Variants in DNAJC1 observed in about 807,000 individuals in gnomAD.
The protein encoded by DNAJC1 is DnaJ heat shock protein family (Hsp40) member C1.
A neutral mutation model predicts 76.6 loss-of-function variants in DNAJC1; 58 were observed. That is an observed-to-expected ratio of 0.76 (90% CI 0.61 to 0.94). The LOEUF is 0.94. Ranked by LOEUF, DNAJC1 falls within the 40% of genes least tolerant of loss-of-function variation. The pLI is 0.00. For missense variants in DNAJC1, 689 were observed against 677.3 expected, an observed-to-expected ratio of 1.02 and a Z score of -0.19; for synonymous variants, 258 against 267.9, an observed-to-expected ratio of 0.96 and a Z score of 0.36.
intron 1 of DNAJC1, among the ~76,000 whole-genome samples, chr10:21,959,337 A>G (rs971845930): frequency 2.6e-5 from 4 of 151,392 alleles, no homozygotes; most frequent in Admixed American, 2.6e-4. Flanking sequence ...CATGTTGGCC[A>G]GGCTGGTTTT....
chr10:21,918,392 T>TC (rs1491349168), intron 6 of DNAJC1, among the ~76,000 whole-genome samples: 3 of 151,292 alleles, frequency 2.0e-5, no homozygotes, highest in Non-Finnish European at 4.4e-5. Flanking sequence ...TTTTTTTTTT[T>TC]TAACACTATG....
intron 8 of DNAJC1, among the ~76,000 whole-genome samples, chr10:21,838,888 A>G (rs1425221932): frequency 6.6e-6 from 1 of 152,244 alleles, no homozygotes; most frequent in Non-Finnish European, 1.5e-5. Flanking sequence ...AAAAGAAATT[A>G]TAACAAACTG....
intron 5 of DNAJC1, among the ~76,000 whole-genome samples, chr10:21,919,473 G>A (rs1017928708): frequency 6.6e-6 from 1 of 151,912 alleles, no homozygotes; most frequent in Non-Finnish European, 1.5e-5. Context: ...AGAAATGGTG[G>A]TATCTTTTTG....
intron 1 of DNAJC1, among the ~76,000 whole-genome samples, chr10:21,958,704 G>A (rs554723747): frequency 6.6e-6 from 1 of 152,180 alleles, no homozygotes; most frequent in East Asian, 1.9e-4. Flanking sequence ...GGGATTACAG[G>A]AGTGAGCCAC....
At chr10:21,774,645 T>C (rs1255426381) in intron 9 of DNAJC1, among the ~76,000 whole-genome samples, 2 of 152,122 alleles carry the variant, frequency 1.3e-5, no homozygotes, top group African/African-American at 4.8e-5. Context: ...CAGCTAATTT[T>C]TGTTGTATTT....
At chr10:21,934,248 T>C (rs920480397) in intron 1 of DNAJC1, among the ~76,000 whole-genome samples, 2 of 151,468 alleles carry the variant, frequency 1.3e-5, no homozygotes, top group African/African-American at 2.4e-5. Context: ...ATTTTAAATA[T>C]AGAAAAAAGC....
At chr10:21,774,481 T>C (rs1045026116) in intron 9 of DNAJC1, among the ~76,000 whole-genome samples, 4 of 152,182 alleles carry the variant, frequency 2.6e-5, no homozygotes, top group Admixed American at 1.3e-4. Flanking sequence ...AACTAACATA[T>C]TAAACGTATT....
At chr10:21,759,086 G>C in intron 11 of DNAJC1, 84 bp downstream of exon 11, 1 of 1,355,404 alleles carries the variant, frequency 7.4e-7, no homozygotes, top group Non-Finnish European at 1.0e-6. Flanking sequence ...ATAGGAATGA[G>C]GGAAGAAGCT....
intron 1 of DNAJC1, among the ~76,000 whole-genome samples, chr10:21,984,576 A>C (rs1838208678): frequency 6.6e-6 from 1 of 152,220 alleles, no homozygotes; most frequent in African/African-American, 2.4e-5. Context: ...AGAAAAATGT[A>C]CTTTTTAAAC....
At chr10:21,978,372 C>A (rs1838098958) in intron 1 of DNAJC1, among the ~76,000 whole-genome samples, 1 of 152,074 alleles carries the variant, frequency 6.6e-6, no homozygotes, top group South Asian at 2.1e-4. Context: ...AATTTGAAAG[C>A]CTCTCCTTTC....
intron 8 of DNAJC1, among the ~76,000 whole-genome samples, chr10:21,820,361 T>C (rs1835139106): frequency 6.6e-6 from 1 of 152,238 alleles, no homozygotes; most frequent in Non-Finnish European, 1.5e-5. Context: ...TTTTTGATTA[T>C]TAAAAATAAT....
chr10:21,808,558 A>G (rs2131643672), intron 8 of DNAJC1, among the ~76,000 whole-genome samples: 2 of 152,262 alleles, frequency 1.3e-5, no homozygotes, highest in Non-Finnish European at 2.9e-5. Context: ...CCTTTTAGCA[A>G]TGCATTATTC....
intron 4 of DNAJC1, 51 bp from the exon 5 acceptor site, chr10:21,919,980 C>G: frequency 8.8e-7 from 1 of 1,138,222 alleles, no homozygotes; most frequent in Non-Finnish European, 1.3e-6. Flanking sequence ...ATGTACACTT[C>G]AAATGTTATC....
intron 1 of DNAJC1, among the ~76,000 whole-genome samples, chr10:21,932,004 T>C (rs991684354): frequency 6.6e-6 from 1 of 152,048 alleles, no homozygotes; most frequent in Non-Finnish European, 1.5e-5. Flanking sequence ...AAATGTATCA[T>C]CACTTTTGGG....
chr10:21,904,613 C>T lies in DNAJC1; in HGVS notation c.730-1G>A. The T allele has an allele frequency of 6.3e-7, 1 of 1,579,248 alleles. No homozygotes were observed. Among genetic ancestry groups the T allele is most frequent in the South Asian group, 1.2e-5 (1 of 84,936 alleles). ...ATTTAGCATAAAACTGCCCAGCATC[C>T]TTAAGAAAAAAAGTTATACATAAAT... On this transcript the variant is annotated splice_acceptor_variant, in intron 6 of 11. Transcript: ENST00000376980. LOFTEE classifies it high-confidence loss of function.
intron 1 of DNAJC1, among the ~76,000 whole-genome samples, chr10:21,932,837 G>C (rs1837250048): frequency 6.6e-6 from 1 of 152,076 alleles, no homozygotes; most frequent in Non-Finnish European, 1.5e-5. Flanking sequence ...TGCCCAGGCT[G>C]GTCTCAAACT....
At chr10:21,924,226 T>A (rs111399409) in intron 3 of DNAJC1, among the ~76,000 whole-genome samples, 3 of 152,112 alleles carry the variant, frequency 2.0e-5, no homozygotes, top group Admixed American at 6.5e-5. Flanking sequence ...CTCAGACTAA[T>A]GGTTATTTTG....
rs1315709144 is a variant in DNAJC1 at position 21,813,080 on chromosome 10, CATATAT to C, written c.979-6987_979-6982del. Among the ~76,000 whole-genome samples the C allele has an allele frequency of 6.2e-4, 59 of 95,624 alleles. No individual in the cohort carries two copies. In the East Asian group the frequency reaches 0.013, roughly 21 times the overall value. The allele number at this position is 95,624 out of a possible 152,430, so 62.7% of individuals were successfully genotyped here. ...ATATATACATATATACATATATATA[CATATAT>C]ACACACACACATATATATATATATA... On this transcript the variant is annotated intron_variant, in intron 8 of 11. Coordinates refer to ENST00000376980, the MANE Select transcript of DNAJC1 (RefSeq NM_022365.4).
At chr10:21,929,387 T>C (rs986159279) in intron 1 of DNAJC1, among the ~76,000 whole-genome samples, 1 of 152,222 alleles carries the variant, frequency 6.6e-6, no homozygotes, top group Non-Finnish European at 1.5e-5. Context: ...AAGAAGACAG[T>C]ATTTGGCGAA....
Sources: allele counts gnomAD v4.1 joint callset (sites outside exome capture counted in the v4.1 genomes callset), GRCh38; gene constraint gnomAD v4.1.1; transcripts MANE v1.5; gene names NCBI Gene and HGNC (gene_info 2026-07-23, HGNC 2026-07-21).